The following CBL variants were observed in gnomAD, a reference collection of about 807,000 sequenced individuals.
The protein encoded by CBL is E3 ubiquitin-protein ligase CBL.
A neutral mutation model predicts 96.9 loss-of-function variants in CBL; 45 were observed. The observed-to-expected ratio is 0.46, with a 90% CI of 0.37 to 0.60. The LOEUF (loss-of-function observed/expected upper bound fraction) is 0.60, where lower values mean the gene tolerates loss of function less well. CBL is among the 20% of genes least tolerant of loss of function. The probability of loss-of-function intolerance (pLI) is 0.00; values close to 1 mark genes in which losing one functional copy is unlikely to be tolerated. For synonymous variants in CBL, 420 were observed against 426.8 expected (o/e 0.98, Z 0.20); for missense variants, 1,024 against 1,143.5 (o/e 0.90, Z 1.51).
At chr11:119,242,970 G>T (rs534837417) in intron 2 of CBL, among the ~76,000 whole-genome samples, 5 of 152,070 alleles carry the variant, frequency 3.3e-5, no homozygotes, top group Middle Eastern at 3.4e-3. Context: ...TGGGGTGGTG[G>T]TTATATCAAA....
At position 119,274,159 on chromosome 11, in the gene CBL, CA is replaced by C. The variant is rs200481838; in HGVS notation, c.747+143del. On this transcript the variant is annotated intron_variant, in intron 4 of 15. Transcript: ENST00000264033. ...TTTTAATTCATTTTAGGAACTATGC[CA>C]AAAAAAAGATTAAAACTATCTCATA... 2,239 of 702,578 alleles carry C rather than the reference CA, an allele frequency of 3.2e-3. 23 individuals carry two copies. The highest frequency in any genetic ancestry group is 0.025 in the African/African-American group (1,322 of 53,912). The allele number at this position is 702,578 out of a possible 1,614,324, so 43.5% of individuals were successfully genotyped here.
At chr11:119,288,298 C>T (rs1004864509) in intron 12 of CBL, among the ~76,000 whole-genome samples, 1 of 151,878 alleles carries the variant, frequency 6.6e-6, no homozygotes, top group African/African-American at 2.4e-5. Flanking sequence ...TTGATCTGCT[C>T]AGGCTGCCAT....
intron 2 of CBL, among the ~76,000 whole-genome samples, chr11:119,254,605 A>G (rs1038723738): frequency 2.0e-5 from 3 of 151,742 alleles, no homozygotes; most frequent in African/African-American, 4.8e-5. Flanking sequence ...ATCTTTTTTT[A>G]TCTTTTTTTT....
chr11:119,260,050 C>T (rs35333536), intron 2 of CBL, among the ~76,000 whole-genome samples: 2 of 152,256 alleles, frequency 1.3e-5, no homozygotes, highest in South Asian at 4.1e-4. Context: ...TTTTCCCAAG[C>T]TACCTGCTAG....
intron 2 of CBL, among the ~76,000 whole-genome samples, chr11:119,249,673 T>G (rs1949657142): frequency 6.6e-6 from 1 of 151,890 alleles, no homozygotes; most frequent in Non-Finnish European, 1.5e-5. Context: ...TTTCTTTTTT[T>G]TTTTTTAATT....
intron 3 of CBL, among the ~76,000 whole-genome samples, chr11:119,272,453 A>G (rs1949856615): frequency 6.6e-6 from 1 of 152,166 alleles, no homozygotes; most frequent in Non-Finnish European, 1.5e-5. Flanking sequence ...TACATTTCAC[A>G]TTATTTGCTA....
intron 9 of CBL, among the ~76,000 whole-genome samples, chr11:119,279,015 G>A (rs891294809): frequency 6.6e-6 from 1 of 152,066 alleles, no homozygotes; most frequent in Non-Finnish European, 1.5e-5. Context: ...TCTGTGAGCT[G>A]CATCTATGAC....
intron 1 of CBL, among the ~76,000 whole-genome samples, chr11:119,225,336 A>T (rs2135260638): frequency 6.6e-6 from 1 of 151,950 alleles, no homozygotes; most frequent in East Asian, 1.9e-4. Context: ...ACGTCAGGTG[A>T]TTCTCCCGCC....
intron 1 of CBL, among the ~76,000 whole-genome samples, chr11:119,221,174 T>C (rs1949407337): frequency 6.7e-6 from 1 of 149,082 alleles, no homozygotes; most frequent in Non-Finnish European, 1.5e-5. Context: ...ACCTGGGAGG[T>C]GGAGGCTGCA....
At chr11:119,273,824 T>C (rs1416806537) in intron 3 of CBL, 44 bp from the exon 4 acceptor site, 3 of 1,560,486 alleles carry the variant, frequency 1.9e-6, no homozygotes, top group Non-Finnish European at 8.8e-7. Context: ...CCTGGAATTA[T>C]CTCTGTTATT....
intron 2 of CBL, among the ~76,000 whole-genome samples, chr11:119,238,335 G>A (rs888646044): frequency 6.6e-6 from 1 of 151,792 alleles, no homozygotes; most frequent in Admixed American, 6.6e-5. Context: ...TCAGCCTCCT[G>A]AGTAGCTGGG....
At chr11:119,247,678 A>T (rs922295250) in intron 2 of CBL, among the ~76,000 whole-genome samples, 1 of 152,138 alleles carries the variant, frequency 6.6e-6, no homozygotes, top group Admixed American at 6.5e-5. Flanking sequence ...GGGTGTGGTG[A>T]TGGGGGCCTG....
chr11:119,214,193 T>TGGA (rs2135250784), intron 1 of CBL, among the ~76,000 whole-genome samples: 1 of 152,114 alleles, frequency 6.6e-6, no homozygotes, highest in African/African-American at 2.4e-5. Context: ...TCTGCTCTCC[T>TGGA]TGGCCTCCCA....
intron 1 of CBL, among the ~76,000 whole-genome samples, chr11:119,225,046 T>TG (rs200223100): frequency 4.0e-5 from 6 of 151,170 alleles, no homozygotes; most frequent in South Asian, 4.2e-4. Context: ...CTAAACTCTT[T>TG]GGGGTGTGTG....
At position 119,274,031 on chromosome 11, in the gene CBL, C is replaced by T. The variant is rs1209007040; in HGVS notation, c.747+7C>T. The T allele has an allele frequency of 6.3e-7, 1 of 1,599,218 alleles. No homozygotes were observed. The highest frequency in any genetic ancestry group is 2.2e-5 in the East Asian group (1 of 44,452). On this transcript the variant is annotated splice_region_variant and intron_variant, in intron 4 of 15. Coordinates refer to ENST00000264033, the MANE Select transcript of CBL (RefSeq NM_005188.4). ...CTTTACCCGACTCTTTCAGGTAGGA[C>T]ACTAAAAAAGTTGACTAAACTGGTT...
chr11:119,265,797 T>G (rs1050695400), intron 2 of CBL, among the ~76,000 whole-genome samples: 1 of 151,204 alleles, frequency 6.6e-6, no homozygotes, highest in Non-Finnish European at 1.5e-5. Flanking sequence ...TCCAGGCGGG[T>G]GGATCACCTA....
At chr11:119,285,858 T>G (rs1949981248) in intron 11 of CBL, among the ~76,000 whole-genome samples, 1 of 151,816 alleles carries the variant, frequency 6.6e-6, no homozygotes, top group Non-Finnish European at 1.5e-5. Flanking sequence ...ATGGCGCCAC[T>G]GCACTCCAGC....
At chr11:119,280,525 ATGT>A (rs1323079492) in intron 9 of CBL, among the ~76,000 whole-genome samples, 1 of 152,038 alleles carries the variant, frequency 6.6e-6, no homozygotes, top group South Asian at 2.1e-4. Flanking sequence ...ATCCTGGTAG[ATGT>A]TGTTTGTTGT....
At chr11:119,217,908 C>T (rs1355164659) in intron 1 of CBL, among the ~76,000 whole-genome samples, 1 of 151,828 alleles carries the variant, frequency 6.6e-6, no homozygotes, top group Non-Finnish European at 1.5e-5. Context: ...CCCATCTCTA[C>T]AAAATAAAAA....
Sources: gnomAD v4.1 joint callset for allele counts (sites outside exome capture counted in the v4.1 genomes callset) on GRCh38, gnomAD v4.1.1 for gene constraint, MANE v1.5 for transcripts, NCBI Gene and HGNC (gene_info 2026-07-23, HGNC 2026-07-21) for gene names.